Variants in ZFP62 observed in about 807,000 individuals in gnomAD.
The protein encoded by ZFP62 is ZFP62 zinc finger protein.
A neutral mutation model predicts 56.4 loss-of-function variants in ZFP62; 44 were observed. The ratio of observed to expected loss-of-function variants is 0.78; its 90% CI spans 0.61 to 1.00. The LOEUF (loss-of-function observed/expected upper bound fraction) is 1.00, where lower values mean the gene tolerates loss of function less well. Among genes scored for constraint, ZFP62 ranks in the 50% least tolerant of loss-of-function variants. The pLI is 0.00. For missense variants in ZFP62, 1,030 were observed against 1,085.7 expected, an observed-to-expected ratio of 0.95 and a Z score of 0.72; for synonymous variants, 421 against 388.9, an observed-to-expected ratio of 1.08 and a Z score of -0.97.
the ZFP62 span, chr5:180,831,870 C>G: frequency 5.9e-5 from 9 of 153,150 alleles, no homozygotes; most frequent in African/African-American, 1.4e-4. Context: ...GCTGGCCTAA[C>G]CCCTGCTCGG....
At chr5:180,852,683 G>C (rs1773776775) in intron 1 of ZFP62, among the ~76,000 whole-genome samples, 1 of 152,134 alleles carries the variant, frequency 6.6e-6, no homozygotes, top group Non-Finnish European at 1.5e-5. Context: ...ATGGGTAAAT[G>C]CCTCTCTGGC....
chr5:180,831,523 G>C, the ZFP62 span: 7 of 152,294 alleles, frequency 4.6e-5, no homozygotes, highest in Non-Finnish European at 1.0e-4. Flanking sequence ...GGGACTCTCC[G>C]GCCTCAGGCC....
At position 180,850,138 on chromosome 5, in the gene ZFP62, C is replaced by T. The variant is rs1773614523; in HGVS notation, c.1357G>A (p.Val453Met). The change falls in exon 2 of 2, where the codon GTG (valine) becomes ATG (methionine). Residue 453 changes from valine (V) to methionine (M), a missense_variant. Coordinates refer to ENST00000502412, the MANE Select transcript of ZFP62 (RefSeq NM_001172638.2). ...HTGERPYVCD[V>M]CGKTFRNNAG... The stretch of plus-strand genomic sequence containing the variant: ...TTGTTTCTGAACGTTTTCCCACACA[C>T]ATCACATACATAAGGTCTCTCTCCG... 2 of 1,551,814 alleles carry T rather than the reference C, an allele frequency of 1.3e-6. No homozygotes were observed. The highest frequency in any genetic ancestry group is 1.7e-6 in the Non-Finnish European group (2 of 1,147,034).
rs1395455527 is a variant in ZFP62 at position 180,847,914 on chromosome 5, TTC to T, written c.*876_*877del. ...CTATTCATAGGAATCCCTGAATCAC[TTC>T]TGTCATGTAAGGTGCGAATTCATGT... is the stretch of plus-strand genomic sequence containing the variant. On this transcript the variant is annotated 3_prime_UTR_variant, in exon 2 of 2. Transcript: ENST00000502412. 1.4e-4 allele frequency: 136 copies of T among 985,340 alleles called. 1 individual carries two copies. Among genetic ancestry groups the T allele is most frequent in the South Asian group, 2.8e-4 (6 of 21,294 alleles). 61.0% of individuals were successfully genotyped at this position (985,340 alleles called of 1,614,324 possible). A position where few individuals can be genotyped will look rare whatever the true frequency, so the allele number is the denominator to read the frequency against.
In ZFP62 at chr5:180,849,633, A is replaced by G; in HGVS notation, c.1862T>C (p.Val621Ala). ...HLGEKPYKCD[V>A]CEKSFNYTSL... ...TGTGTAATTAAAAGATTTCTCACACACATCACATTTGTAGGGCTTCTCCCC... is the reference window on the plus strand; with the variant it reads ...TGTGTAATTAAAAGATTTCTCACACGCATCACATTTGTAGGGCTTCTCCCC... The change falls in exon 2 of 2, where the codon GTG (valine) becomes GCG (alanine). Residue 621 changes from valine to alanine, a missense_variant. Coordinates refer to ENST00000502412, the MANE Select transcript of ZFP62 (RefSeq NM_001172638.2). 1 of 1,551,224 alleles carries G rather than the reference A, an allele frequency of 6.4e-7. No homozygotes were observed. The highest frequency in any genetic ancestry group is 8.7e-7 in the Non-Finnish European group (1 of 1,146,834).
chr5:180,855,317 C>T (rs112143104), intron 1 of ZFP62, among the ~76,000 whole-genome samples: 1 of 152,210 alleles, frequency 6.6e-6, no homozygotes, highest in Non-Finnish European at 1.5e-5. Flanking sequence ...TCCTCTTCTA[C>T]ACCTTCCCCT....
the ZFP62 span, among the ~76,000 whole-genome samples, chr5:180,840,698 G>C: frequency 2.2e-4 from 34 of 152,130 alleles, no homozygotes; most frequent in Non-Finnish European, 4.1e-4. Context: ...GGAGGTTGCA[G>C]TGAGCCAAGA....
Position 180,848,420 on chromosome 5 carries a change from T to C in ZFP62, c.*372A>G, listed in dbSNP as rs1235498431. On this transcript the variant is annotated 3_prime_UTR_variant, in exon 2 of 2. Transcript: ENST00000502412. ...GCTATACCTGAATTTCCTACATTTC[T>C]AGTAACAGAATTTACCAAACATGAA... The C allele has an allele frequency of 1.0e-6, 1 of 1,004,150 alleles. No individual in the cohort carries two copies. Among genetic ancestry groups the C allele is most frequent in the African/African-American group, 1.7e-5 (1 of 57,904 alleles). The allele number at this position is 1,004,150 out of a possible 1,614,324, so 62.2% of individuals were successfully genotyped here.
In ZFP62 at chr5:180,848,375, A is replaced by G. The variant is rs1292023891; in HGVS notation, c.*417T>C. Reference sequence around the variant, plus strand: ...AGGCCCTTAGTTTTCCCACTGACCAATGTGTAATTGGGATTCAAAGCTATA... The same window carrying G: ...AGGCCCTTAGTTTTCCCACTGACCAGTGTGTAATTGGGATTCAAAGCTATA... On this transcript the variant is annotated 3_prime_UTR_variant, in exon 2 of 2. Coordinates refer to ENST00000502412, the MANE Select transcript of ZFP62 (RefSeq NM_001172638.2). The G allele has an allele frequency of 1.0e-6, 1 of 990,462 alleles. No individual in the cohort carries two copies. Among genetic ancestry groups the G allele is most frequent in the African/African-American group, 1.7e-5 (1 of 57,496 alleles). 61.4% of individuals were successfully genotyped at this position (990,462 alleles called of 1,614,324 possible).
At chr5:180,843,526 G>A (rs148393096), downstream of ZFP62, among the ~76,000 whole-genome samples, 139 of 152,200 alleles carry the variant, frequency 9.1e-4, no homozygotes, top group African/African-American at 3.3e-3. Flanking sequence ...AACCAAAAAA[G>A]AAGCTGATGT....
chr5:180,853,455 G>A (rs761328127), intron 1 of ZFP62, among the ~76,000 whole-genome samples: 1 of 152,202 alleles, frequency 6.6e-6, no homozygotes, highest in Non-Finnish European at 1.5e-5. Flanking sequence ...GAGCAGAAGG[G>A]ATGGGAGAAA....
chr5:180,859,163 A>C (rs180931744), intron 1 of ZFP62, among the ~76,000 whole-genome samples: 67 of 152,320 alleles, frequency 4.4e-4, no homozygotes, highest in Admixed American at 2.2e-3. Flanking sequence ...ACAGACTGCA[A>C]CTAGCCCGGA....
At chr5:180,839,191 CG>C in the ZFP62 span, among the ~76,000 whole-genome samples, 1 of 152,108 alleles carries the variant, frequency 6.6e-6, no homozygotes, top group Non-Finnish European at 1.5e-5. Flanking sequence ...AAACCAAAAG[CG>C]TATGTTTAGA....
chr5:180,856,873 G>A (rs1194781343), intron 1 of ZFP62, among the ~76,000 whole-genome samples: 2 of 145,672 alleles, frequency 1.4e-5, no homozygotes, highest in East Asian at 4.0e-4. Context: ...AGAATGGCAT[G>A]AACCTGGGAG....
In ZFP62 at chr5:180,847,760, C is replaced by A. The variant is rs921061073; in HGVS notation, c.*1032G>T. 6 of 985,422 alleles carry A rather than the reference C, an allele frequency of 6.1e-6. No homozygotes were observed. The highest frequency in any genetic ancestry group is 7.2e-6 in the Non-Finnish European group (6 of 829,930). The allele number at this position is 985,422 out of a possible 1,614,324, so 61.0% of individuals were successfully genotyped here. The stretch of plus-strand genomic sequence containing the variant: ...ATACATGTCCTGCATGACATCTTTA[C>A]AATAACACATTCCAAAAACAATCAA... On this transcript the variant is annotated 3_prime_UTR_variant, in exon 2 of 2. Coordinates refer to ENST00000502412, the MANE Select transcript of ZFP62 (RefSeq NM_001172638.2).
At chr5:180,828,089 G>T in the ZFP62 span, among the ~76,000 whole-genome samples, 4 of 152,142 alleles carry the variant, frequency 2.6e-5, no homozygotes, top group Admixed American at 2.6e-4. Flanking sequence ...AGGCTGGCGG[G>T]ATCCTCCATA....
chr5:180,841,771 A>C, the ZFP62 span, among the ~76,000 whole-genome samples: 2 of 152,254 alleles, frequency 1.3e-5, no homozygotes. Context: ...AAAAGGAAGA[A>C]GGTCCAGTGC....
chr5:180,845,835 G>A (rs1485806897), downstream of ZFP62: 4 of 985,428 alleles, frequency 4.1e-6, no homozygotes, highest in Non-Finnish European at 4.8e-6. Context: ...CTGCATTGCA[G>A]GATTGGTGTT....
At chr5:180,832,650 C>T in the ZFP62 span, 2 of 152,220 alleles carry the variant, frequency 1.3e-5, no homozygotes, top group African/African-American at 4.8e-5. Flanking sequence ...ATCTTGTGCA[C>T]TGACTACCTC....
Sources: allele counts gnomAD v4.1 joint callset (sites outside exome capture counted in the v4.1 genomes callset), GRCh38; gene constraint gnomAD v4.1.1; transcripts MANE v1.5; gene names NCBI Gene and HGNC (gene_info 2026-07-23, HGNC 2026-07-21).